The following EPN2 variants were observed in gnomAD, a reference collection of about 807,000 sequenced individuals.
EPN2 encodes epsin-2.
Under a neutral mutation model 61.7 loss-of-function variants are expected in EPN2, and 34 were observed. The ratio of observed to expected loss-of-function variants is 0.55; its 90% CI spans 0.42 to 0.73. The LOEUF (loss-of-function observed/expected upper bound fraction) is 0.73. Among genes scored for constraint, EPN2 ranks in the 30% least tolerant of loss-of-function variants. EPN2 has a pLI of 0.00. For synonymous variants in EPN2, 349 were observed against 353.6 expected (o/e 0.99, Z 0.15); for missense variants, 714 against 839.2 (o/e 0.85, Z 1.84).
chr17:19,333,393 A>C lies in EPN2; in HGVS notation c.1628-563A>C, dbSNP rs140975125. Among the ~76,000 whole-genome samples the C allele has an allele frequency of 9.1e-3, 1,389 of 152,308 alleles. 10 individuals carry two copies. Among genetic ancestry groups the C allele is most frequent in the African/African-American group, 0.031 (1,282 of 41,568 alleles). On this transcript the variant is annotated intron_variant, in intron 10 of 10. Transcript: ENST00000314728. ...GCCACACAGGGTAGGGCCAGGCTGCATGGGAGAGTTGGTGCCAGCAGCGCA... is the reference window on the plus strand; with the variant it reads ...GCCACACAGGGTAGGGCCAGGCTGCCTGGGAGAGTTGGTGCCAGCAGCGCA...
intron 7 of EPN2, among the ~76,000 whole-genome samples, chr17:19,326,373 C>T (rs952719268): frequency 6.6e-6 from 1 of 152,064 alleles, no homozygotes; most frequent in Non-Finnish European, 1.5e-5. Context: ...TCTCATAACA[C>T]TGTTTGTGAG....
At chr17:19,275,059 C>G (rs779261999) in intron 1 of EPN2, among the ~76,000 whole-genome samples, 5 of 152,108 alleles carry the variant, frequency 3.3e-5, no homozygotes, top group African/African-American at 4.8e-5. Flanking sequence ...GCAGATGATC[C>G]CAGACTTTGG....
chr17:19,260,398 G>A lies in EPN2; in HGVS notation c.-293-21557G>A, dbSNP rs111917491. 7.4e-3 allele frequency among the ~76,000 whole-genome samples: 1,120 copies of A among 152,292 alleles called. 20 individuals carry two copies. Among genetic ancestry groups the A allele is most frequent in the African/African-American group, 0.026 (1,074 of 41,566 alleles). ...CCAAATGTGAAGCTGGAGGGGCCTG[G>A]AAGAGAGTCACAGAAAGGAAGGGAC... On this transcript the variant is annotated intron_variant, in intron 1 of 10. Transcript: ENST00000314728.
chr17:19,265,565 C>T (rs1290905556), intron 1 of EPN2, among the ~76,000 whole-genome samples: 1 of 152,134 alleles, frequency 6.6e-6, no homozygotes, highest in African/African-American at 2.4e-5. Context: ...GTGTCCCTGC[C>T]CTGCTCTTGG....
chr17:19,270,966 G>A (rs1347257478), intron 1 of EPN2, among the ~76,000 whole-genome samples: 2 of 152,202 alleles, frequency 1.3e-5, no homozygotes, highest in Non-Finnish European at 2.9e-5. Context: ...AATGGAGACC[G>A]AAAGGGAAAC....
chr17:19,245,697 T>A (rs2044939793), intron 1 of EPN2, among the ~76,000 whole-genome samples: 1 of 151,424 alleles, frequency 6.6e-6, no homozygotes, highest in South Asian at 2.1e-4. Context: ...AGTTTTGCTC[T>A]TGTCGCCTAA....
chr17:19,304,653 A>AC (rs1375777674), intron 4 of EPN2, among the ~76,000 whole-genome samples: 2 of 152,008 alleles, frequency 1.3e-5, no homozygotes, highest in Non-Finnish European at 2.9e-5. Context: ...AGCACTCCTG[A>AC]CCCCTTGGTA....
In EPN2 at chr17:19,335,800, A is replaced by G. The variant is rs1013417628; in HGVS notation, c.*1546A>G. The G allele has an allele frequency of 5.1e-5, 11 of 216,828 alleles. No individual in the cohort carries two copies. The highest frequency in any genetic ancestry group is 4.5e-5 in the African/African-American group (2 of 44,124). 13.4% of individuals were successfully genotyped at this position (216,828 alleles called of 1,614,324 possible). A position where few individuals can be genotyped will look rare whatever the true frequency, so the allele number is the denominator to read the frequency against. On this transcript the variant is annotated 3_prime_UTR_variant, in exon 11 of 11. Transcript: ENST00000314728. ...TATTACCTCCCTCTTCCAAACTCCT[A>G]CTGTCCTCACCTCACCCACCACTGT...
At chr17:19,295,349 C>CAT (rs1471336169) in intron 4 of EPN2, among the ~76,000 whole-genome samples, 1 of 53,382 alleles carries the variant, frequency 1.9e-5, no homozygotes, top group African/African-American at 4.3e-5. Context: ...AATACACACA[C>CAT]ACACACACAC....
chr17:19,321,706 C>T (rs1906646087), intron 7 of EPN2, among the ~76,000 whole-genome samples: 1 of 144,806 alleles, frequency 6.9e-6, no homozygotes, highest in South Asian at 2.3e-4. Flanking sequence ...AGCGAGGCTC[C>T]AGTCTGTTAT....
chr17:19,264,955 T>C (rs2045180855), intron 1 of EPN2, among the ~76,000 whole-genome samples: 1 of 151,660 alleles, frequency 6.6e-6, no homozygotes, highest in Non-Finnish European at 1.5e-5. Flanking sequence ...CTCAGTCAGC[T>C]GGGCAGCAGG....
At chr17:19,242,612 A>G (rs1310441460) in intron 1 of EPN2, among the ~76,000 whole-genome samples, 1 of 151,858 alleles carries the variant, frequency 6.6e-6, no homozygotes, top group African/African-American at 2.4e-5. Flanking sequence ...TGGTCTAGGC[A>G]GAGTGTGCTT....
chr17:19,269,202 G>A (rs925955945), intron 1 of EPN2, among the ~76,000 whole-genome samples: 1 of 152,206 alleles, frequency 6.6e-6, no homozygotes, highest in Admixed American at 6.5e-5. Context: ...ACCTTTTGTG[G>A]GGTAGACTCT....
At chr17:19,319,431 TCTC>T (rs1906545734) in intron 7 of EPN2, among the ~76,000 whole-genome samples, 1 of 151,180 alleles carries the variant, frequency 6.6e-6, no homozygotes, top group Non-Finnish European at 1.5e-5. Context: ...TTCAAGCAAT[TCTC>T]CTGACTCAGC....
chr17:19,327,712 A>G lies in EPN2; in HGVS notation c.1148-999A>G, dbSNP rs1247584313. ...CACACACATATTTAGACACACATACATATACATAATATATATGTGTGTGTG... is the reference window on the plus strand; with the variant it reads ...CACACACATATTTAGACACACATACGTATACATAATATATATGTGTGTGTG... On this transcript the variant is annotated intron_variant, in intron 7 of 10. Coordinates refer to ENST00000314728, the MANE Select transcript of EPN2 (RefSeq NM_014964.5). Among the ~76,000 whole-genome samples, 8 of 152,166 alleles carry G rather than the reference A, an allele frequency of 5.3e-5. 1 individual carries two copies. The highest frequency in any genetic ancestry group is 5.2e-4 in the Admixed American group (8 of 15,270).
intron 1 of EPN2, among the ~76,000 whole-genome samples, chr17:19,243,220 CTTTTTTTTT>C (rs71155386): frequency 7.9e-6 from 1 of 127,144 alleles, no homozygotes; most frequent in African/African-American, 3.1e-5. Flanking sequence ...GAGAATGTGT[CTTTTTTTTT>C]TTTTTTTTGA....
intron 1 of EPN2, among the ~76,000 whole-genome samples, chr17:19,249,167 C>T (rs1210553567): frequency 1.3e-5 from 2 of 152,154 alleles, no homozygotes; most frequent in Non-Finnish European, 2.9e-5. Context: ...CCTTCCACCC[C>T]ACCTCTAATC....
rs192886894 is a variant in EPN2, at chr17:19,313,150, G to A, written c.1018G>A (p.Ala340Thr). ...GACTACGCTGTTGGATTTAATGGAT[G>A]CTCTCCCCAGCTCGGGCCCCGCGGC... ...QQTTLLDLMDALPSSGPAAQK... is the reference protein window; with the variant it reads ...QQTTLLDLMDTLPSSGPAAQK... Residue 340 changes from alanine to threonine, a missense_variant, in exon 7 of 11, where the codon GCT becomes ACT. Transcript: ENST00000314728. 6 of 1,613,790 alleles carry A rather than the reference G, an allele frequency of 3.7e-6. No individual in the cohort carries two copies. Among genetic ancestry groups the A allele is most frequent in the African/African-American group, 1.3e-5 (1 of 75,010 alleles).
intron 5 of EPN2, among the ~76,000 whole-genome samples, 197 bp downstream of exon 5, chr17:19,310,194 CAA>C (rs1166989804): frequency 6.6e-6 from 1 of 152,208 alleles, no homozygotes; most frequent in Non-Finnish European, 1.5e-5. Context: ...GGATCCCATG[CAA>C]AGTTACATTT....
Sources: allele counts gnomAD v4.1 joint callset (sites outside exome capture counted in the v4.1 genomes callset), GRCh38; gene constraint gnomAD v4.1.1; transcripts MANE v1.5; gene names NCBI Gene and HGNC (gene_info 2026-07-23, HGNC 2026-07-21).